The following GYPE variants were observed in gnomAD, a reference collection of about 807,000 sequenced individuals.
GYPE encodes glycophorin-E.
In GYPE, 8 loss-of-function variants were observed where a neutral mutation model predicts 11.6. That is an observed-to-expected ratio of 0.69 (90% CI 0.41 to 1.25). The LOEUF (loss-of-function observed/expected upper bound fraction) is 1.25, where lower values mean the gene tolerates loss of function less well. GYPE is among the 50% of genes most tolerant of loss of function. The pLI, the probability that GYPE is intolerant of heterozygous loss-of-function variation, is 0.01. For synonymous variants in GYPE, 28 were observed against 29.6 expected, an observed-to-expected ratio of 0.94 and a Z score of 0.18; for missense variants, 90 against 92.8, an observed-to-expected ratio of 0.97 and a Z score of 0.12.
chr4:143,880,585 A>G (rs186106086), intron 1 of GYPE, 76 bp from the exon 2 acceptor site: 2 of 1,609,222 alleles, frequency 1.2e-6, no homozygotes, highest in East Asian at 4.5e-5. Flanking sequence ...CACAAAAGAC[A>G]AATTCCCTCA....
At chr4:143,873,111 A>G (rs1378278828) in intron 3 of GYPE, among the ~76,000 whole-genome samples, 1 of 152,202 alleles carries the variant, frequency 6.6e-6, no homozygotes, top group African/African-American at 2.4e-5. Flanking sequence ...ACTATATTCC[A>G]TGCCATCTCA....
At chr4:143,880,722 A>G (rs1743993063) in intron 1 of GYPE, among the ~76,000 whole-genome samples, 1 of 152,182 alleles carries the variant, frequency 6.6e-6, no homozygotes, top group Non-Finnish European at 1.5e-5. Flanking sequence ...CCCCTCCAGA[A>G]TTTCTGCATG....
intron 1 of GYPE, among the ~76,000 whole-genome samples, chr4:143,892,131 G>T (rs1256688552): frequency 3.3e-5 from 5 of 152,280 alleles, no homozygotes; most frequent in African/African-American, 1.2e-4. Flanking sequence ...ATGGTAGTTT[G>T]TATTTCTGTG....
chr4:143,895,645 T>A (rs75374415), intron 1 of GYPE, among the ~76,000 whole-genome samples: 1 of 132,236 alleles, frequency 7.6e-6, no homozygotes, highest in African/African-American at 2.8e-5. Context: ...TCACAGAATT[T>A]GAAAAAACTA....
At chr4:143,877,171 C>T (rs185884760) in intron 2 of GYPE, among the ~76,000 whole-genome samples, 5 of 152,172 alleles carry the variant, frequency 3.3e-5, no homozygotes, top group East Asian at 1.9e-4. Context: ...ACTCAGTGGA[C>T]GTTCTCCTCA....
intron 1 of GYPE, among the ~76,000 whole-genome samples, chr4:143,897,345 T>C (rs909816108): frequency 2.0e-5 from 3 of 152,016 alleles, no homozygotes; most frequent in Admixed American, 6.5e-5. Flanking sequence ...TGAGCACACC[T>C]GAAGTCTCAG....
In GYPE at chr4:143,878,644, T is replaced by A. The variant is rs1366182176; in HGVS notation, c.136+1767A>T. On this transcript the variant is annotated intron_variant, in intron 2 of 3. Transcript: ENST00000358615. Reference sequence around the variant, plus strand: ...TTTGTCAAATATTAACATATCTGCTTCAGGGAAACGATGGACAAGTTGTCC... The same window carrying A: ...TTTGTCAAATATTAACATATCTGCTACAGGGAAACGATGGACAAGTTGTCC... The A allele has an allele frequency of 2.7e-5, 13 of 485,356 alleles. 2 individuals carry two copies. Among genetic ancestry groups the A allele is most frequent in the Non-Finnish European group, 4.7e-5 (11 of 232,838 alleles). 30.1% of individuals were successfully genotyped at this position (485,356 alleles called of 1,614,324 possible).
rs565557461 is a variant in GYPE at position 143,896,996 on chromosome 4, G to T, written c.37+8475C>A. ...CACAGGAAGGGGAACATCACACTCT[G>T]GGGACTGTTGTGGGGTGGGGGCAGG... On this transcript the variant is annotated intron_variant, in intron 1 of 3. Coordinates refer to ENST00000358615, the MANE Select transcript of GYPE (RefSeq NM_198682.3). Among the ~76,000 whole-genome samples, 22 of 151,944 alleles carry T rather than the reference G, an allele frequency of 1.4e-4. No individual in the cohort carries two copies. The East Asian group carries it at 3.5e-3, about 24-fold the overall frequency.
Position 143,894,955 on chromosome 4 carries a change from CT to C in GYPE, c.37+10515del, listed in dbSNP as rs751279679. On this transcript the variant is annotated intron_variant, in intron 1 of 3. Transcript: ENST00000358615. ...AAAGGCCTTTGACAAAATTCAACAA[CT>C]CTTTCATGCTAAAAACTCTCCATAA... Among the ~76,000 whole-genome samples the C allele has an allele frequency of 6.6e-5, 10 of 152,226 alleles. No individual in the cohort carries two copies. In the South Asian group the frequency reaches 1.9e-3, roughly 28 times the overall value.
At chr4:143,880,626 G>A (rs7677044) in intron 1 of GYPE, 117 bp from the exon 2 acceptor site, 571,621 of 1,411,472 alleles carry the variant, frequency 0.4, 96,005 homozygotes, top group East Asian at 0.54. Flanking sequence ...TAAGCGCTTT[G>A]GTATATATCT....
chr4:143,904,569 T>C (rs559812534), intron 1 of GYPE, among the ~76,000 whole-genome samples: 13 of 152,260 alleles, frequency 8.5e-5, no homozygotes, highest in African/African-American at 3.1e-4. Context: ...CTGATCTCTC[T>C]TCCCTGTATG....
chr4:143,895,257 C>T (rs182175833), intron 1 of GYPE, among the ~76,000 whole-genome samples: 12 of 152,234 alleles, frequency 7.9e-5, no homozygotes, highest in African/African-American at 2.6e-4. Flanking sequence ...CTAGAAAACC[C>T]CATTGTCTTG....
At chr4:143,891,502 G>T (rs868398542) in intron 1 of GYPE, among the ~76,000 whole-genome samples, 2 of 151,272 alleles carry the variant, frequency 1.3e-5, no homozygotes, top group Non-Finnish European at 2.9e-5. Context: ...CTAATTTTTT[G>T]TATTTTTAGT....
intron 1 of GYPE, among the ~76,000 whole-genome samples, chr4:143,885,150 C>A (rs979833908): frequency 1.3e-5 from 2 of 151,916 alleles, no homozygotes; most frequent in African/African-American, 4.8e-5. Context: ...TAGCCTGAGG[C>A]TTTAAAGGGG....
rs1560937310 is a variant in GYPE at position 143,876,824 on chromosome 4, A to G, written c.168T>C (p.Ala56=). ...CAAGCATCACCTCAAAAATAACACG[A>G]GCCATCGCCCACCAATTAATGAGTG... ...GITLINWWAM[A]RVIFEVMLVV... The change falls in exon 3 of 4, where the codon GCT becomes GCC. Residue 56 remains alanine, a synonymous_variant. Coordinates refer to ENST00000358615, the MANE Select transcript of GYPE (RefSeq NM_198682.3). 6 of 1,611,222 alleles carry G rather than the reference A, an allele frequency of 3.7e-6. No homozygotes were observed. The highest frequency in any genetic ancestry group is 1.7e-5 in the Admixed American group (1 of 59,908).
Position 143,891,281 on chromosome 4 carries a change from T to C in GYPE, c.38-10772A>G, listed in dbSNP as rs193215810. 2.2e-3 allele frequency among the ~76,000 whole-genome samples: 333 copies of C among 151,930 alleles called. 1 individual carries two copies. The highest frequency in any genetic ancestry group is 7.4e-3 in the African/African-American group (308 of 41,418). On this transcript the variant is annotated intron_variant, in intron 1 of 3. Transcript: ENST00000358615. ...ATTTGTGGGCAGTAGAATTTGAATTTCGTATAATATCCACATGTTATTATT... is the reference window on the plus strand; with the variant it reads ...ATTTGTGGGCAGTAGAATTTGAATTCCGTATAATATCCACATGTTATTATT...
chr4:143,893,876 A>G (rs371031515), intron 1 of GYPE, among the ~76,000 whole-genome samples: 1 of 152,138 alleles, frequency 6.6e-6, no homozygotes, highest in African/African-American at 2.4e-5. Flanking sequence ...AGACTGGGGA[A>G]GTTCTCCTGG....
At chr4:143,896,757 C>T (rs1028058326) in intron 1 of GYPE, among the ~76,000 whole-genome samples, 12 of 152,118 alleles carry the variant, frequency 7.9e-5, no homozygotes, top group Non-Finnish European at 1.2e-4. Context: ...GGAACCAACC[C>T]AAATGTCCAA....
chr4:143,874,712 C>T lies in GYPE; in HGVS notation c.*9+2034G>A, dbSNP rs538553900. Among the ~76,000 whole-genome samples, 5 of 152,290 alleles carry T rather than the reference C, an allele frequency of 3.3e-5. No individual in the cohort carries two copies. The East Asian group carries it at 9.7e-4, about 29-fold the overall frequency. On this transcript the variant is annotated intron_variant, in intron 3 of 3. Coordinates refer to ENST00000358615, the MANE Select transcript of GYPE (RefSeq NM_198682.3). The stretch of plus-strand genomic sequence containing the variant: ...CGTGCTGCACATTGGGACCCCAGGT[C>T]CTTTAGTTCAACCTGTCCTTTCTGA...
Sources: allele counts gnomAD v4.1 joint callset (sites outside exome capture counted in the v4.1 genomes callset), GRCh38; gene constraint gnomAD v4.1.1; transcripts MANE v1.5; gene names NCBI Gene and HGNC (gene_info 2026-07-23, HGNC 2026-07-21).